The following CCDC171 variants were observed in gnomAD, a reference collection of about 807,000 sequenced individuals.
The protein encoded by CCDC171 is coiled-coil domain containing 171, also known as coiled-coil domain-containing protein 171.
CCDC171 carries 177 observed loss-of-function variants against 168.2 expected under a neutral mutation model. The ratio of observed to expected loss-of-function variants is 1.05; its 90% CI spans 0.93 to 1.19. The LOEUF is 1.19. Ranked by LOEUF, CCDC171 falls within the 50% of genes most tolerant of loss-of-function variation. The pLI is 0.00. For missense variants in CCDC171, 1,991 were observed against 1,539.0 expected (o/e 1.29, Z -4.91); for synonymous variants, 687 against 540.8 (o/e 1.27, Z -3.75).
At chr9:15,701,559 T>A (rs1004201991) in intron 11 of CCDC171, among the ~76,000 whole-genome samples, 1 of 151,026 alleles carries the variant, frequency 6.6e-6, no homozygotes, top group Non-Finnish European at 1.5e-5. Flanking sequence ...GATACCATTT[T>A]ACCCTCAGTA....
intron 3 of CCDC171, among the ~76,000 whole-genome samples, chr9:15,992,933 C>A (rs558472998): frequency 4.0e-4 from 61 of 152,112 alleles, no homozygotes; most frequent in African/African-American, 1.3e-3. Flanking sequence ...CACTGCTCAA[C>A]AAAATAAAAG....
At chr9:15,725,752 G>C (rs2053760114) in intron 14 of CCDC171, among the ~76,000 whole-genome samples, 1 of 152,070 alleles carries the variant, frequency 6.6e-6, no homozygotes, top group South Asian at 2.1e-4. Flanking sequence ...GCCTGGCCTA[G>C]TTTCCTTATT....
intron 24 of CCDC171, among the ~76,000 whole-genome samples, chr9:15,892,973 G>T (rs1161314383): frequency 6.6e-6 from 1 of 152,062 alleles, no homozygotes; most frequent in African/African-American, 2.4e-5. Context: ...AACCTGAATA[G>T]CCAAGACAAT....
chr9:16,068,062 T>C, the CCDC171 span, among the ~76,000 whole-genome samples: 3 of 150,122 alleles, frequency 2.0e-5, no homozygotes, highest in Non-Finnish European at 2.9e-5. Flanking sequence ...AAAACCCCAT[T>C]GTCTCAGCCC....
intron 4 of CCDC171, among the ~76,000 whole-genome samples, chr9:15,581,832 T>A (rs201310330): frequency 8.6e-5 from 13 of 151,978 alleles, no homozygotes; most frequent in Non-Finnish European, 1.2e-4. Flanking sequence ...AAAACCCTAG[T>A]AGAAAACCTA....
intron 11 of CCDC171, among the ~76,000 whole-genome samples, chr9:15,700,304 C>T (rs979257402): frequency 2.0e-5 from 3 of 152,232 alleles, no homozygotes; most frequent in African/African-American, 4.8e-5. Flanking sequence ...CCTCATTGCC[C>T]GGGGCTGGCA....
intron 23 of CCDC171, among the ~76,000 whole-genome samples, chr9:15,868,498 T>TGTGA (rs113322618): frequency 0.012 from 1,724 of 148,988 alleles, 12 homozygotes; most frequent in Middle Eastern, 0.021. Context: ...TGTGTGTGTG[T>TGTGA]GAGAGAGAGA....
chr9:15,647,789 A>G lies in CCDC171; in HGVS notation c.823-9338A>G, dbSNP rs563898887. The stretch of plus-strand genomic sequence containing the variant: ...CCAACCAAAAAAAGTCCAGGACCAG[A>G]CGATTCACAGCCGAATTCTGCCAGA... On this transcript the variant is annotated intron_variant, in intron 7 of 25. Transcript: ENST00000380701. Among the ~76,000 whole-genome samples the G allele has an allele frequency of 8.7e-4, 132 of 152,274 alleles. 1 individual carries two copies. Among genetic ancestry groups the G allele is most frequent in the African/African-American group, 2.5e-3 (102 of 41,558 alleles).
chr9:16,069,447 A>T, the CCDC171 span, among the ~76,000 whole-genome samples: 1 of 152,166 alleles, frequency 6.6e-6, no homozygotes, highest in African/African-American at 2.4e-5. Flanking sequence ...GTGCGTGGAG[A>T]CCATATGCAC....
the CCDC171 span, among the ~76,000 whole-genome samples, chr9:16,075,547 C>T: frequency 6.6e-6 from 1 of 152,068 alleles, no homozygotes; most frequent in East Asian, 1.9e-4. Flanking sequence ...CCTTTAGGGG[C>T]AACAGCTACT....
chr9:16,087,478 A>G, the CCDC171 span, among the ~76,000 whole-genome samples: 1 of 146,994 alleles, frequency 6.8e-6, no homozygotes. Flanking sequence ...CTTTGCCATT[A>G]TGTAATGCCC....
chr9:15,924,901 C>G (rs1232866611), intron 25 of CCDC171, among the ~76,000 whole-genome samples: 1 of 151,536 alleles, frequency 6.6e-6, no homozygotes, highest in Non-Finnish European at 1.5e-5. Context: ...TCTTTAAACA[C>G]TCATCTCCTT....
At chr9:15,664,403 C>T (rs1463811814) in intron 8 of CCDC171, among the ~76,000 whole-genome samples, 1 of 152,072 alleles carries the variant, frequency 6.6e-6, no homozygotes, top group Middle Eastern at 3.2e-3. Flanking sequence ...CGCGTGACAC[C>T]ACGCCCAGCT....
intron 7 of CCDC171, among the ~76,000 whole-genome samples, chr9:15,644,700 C>T (rs938706273): frequency 5.3e-5 from 8 of 152,286 alleles, no homozygotes; most frequent in African/African-American, 1.7e-4. Flanking sequence ...GGGGGAGGAG[C>T]GCCCACCATT....
chr9:15,620,345 GTCA>G (rs1162304110), intron 6 of CCDC171, among the ~76,000 whole-genome samples: 1 of 152,158 alleles, frequency 6.6e-6, no homozygotes, highest in Non-Finnish European at 1.5e-5. Context: ...AGGTCCAAAT[GTCA>G]TCATTAACAG....
chr9:15,765,399 T>C (rs913091459), intron 18 of CCDC171, among the ~76,000 whole-genome samples: 4 of 152,044 alleles, frequency 2.6e-5, no homozygotes, highest in Admixed American at 6.6e-5. Context: ...GAAGGCACAA[T>C]TGGCAGATGT....
At chr9:15,855,075 G>A (rs57592105) in intron 23 of CCDC171, among the ~76,000 whole-genome samples, 10,677 of 151,622 alleles carry the variant, frequency 0.07, 1,008 homozygotes, top group African/African-American at 0.21. Flanking sequence ...ACTGTTCTAT[G>A]TATGTCTGTT....
chr9:15,786,867 C>T (rs1449025230), intron 21 of CCDC171, among the ~76,000 whole-genome samples: 3 of 152,106 alleles, frequency 2.0e-5, no homozygotes, highest in Non-Finnish European at 4.4e-5. Context: ...CCTCCCCTGC[C>T]GACAACAGAT....
At chr9:15,558,763 G>C (rs2039020960) in intron 1 of CCDC171, among the ~76,000 whole-genome samples, 1 of 151,814 alleles carries the variant, frequency 6.6e-6, no homozygotes, top group South Asian at 2.1e-4. Flanking sequence ...GTTATTTCTT[G>C]CCTTCTGCTA....
Sources: allele counts gnomAD v4.1 joint callset (sites outside exome capture counted in the v4.1 genomes callset), GRCh38; gene constraint gnomAD v4.1.1; transcripts MANE v1.5; gene names NCBI Gene and HGNC (gene_info 2026-07-23, HGNC 2026-07-21).